Variants in RBBP8 observed in about 807,000 individuals in gnomAD.
RBBP8 encodes RB binding protein 8, endonuclease, also known as DNA endonuclease RBBP8.
A neutral mutation model predicts 108.3 loss-of-function variants in RBBP8; 88 were observed. That is an observed-to-expected ratio of 0.81 (90% confidence interval 0.68 to 0.97). RBBP8 has a LOEUF of 0.97. Ranked by LOEUF, RBBP8 falls within the 50% of genes least tolerant of loss-of-function variation. RBBP8 has a pLI of 0.00. For missense variants in RBBP8, 1,023 were observed against 1,049.0 expected (o/e 0.98, Z 0.34); for synonymous variants, 332 against 348.2 (o/e 0.95, Z 0.52).
intron 5 of RBBP8, among the ~76,000 whole-genome samples, chr18:22,971,432 T>C (rs1261802582): frequency 6.6e-6 from 1 of 152,178 alleles, no homozygotes; most frequent in African/African-American, 2.4e-5. Context: ...CTGCCCAGAA[T>C]AGCAGTTGAT....
intron 3 of RBBP8, among the ~76,000 whole-genome samples, chr18:22,923,317 G>A (rs1379671579): frequency 6.6e-6 from 1 of 152,186 alleles, no homozygotes; most frequent in Admixed American, 6.5e-5. Context: ...AGATGGTGCA[G>A]CTGATGCCTT....
Position 22,993,412 on chromosome 18 carries a change from C to T in RBBP8, c.1585C>T (p.Pro529Ser). The change falls in exon 11 of 19, where the codon CCA becomes TCA. Residue 529 changes from proline to serine, a missense_variant. Pro to Ser is a moderately conservative substitution (Grantham distance 74). Coordinates refer to ENST00000327155, the MANE Select transcript of RBBP8 (RefSeq NM_002894.3). ...VTLYEALKTI[P>S]KGFSSSRKAS... ...TCTTTATGAGGCTTTGAAGACCATT[C>T]CAAAGGGCTTTTCCTCAAGCCGTAA... The T allele has an allele frequency of 6.2e-7, 1 of 1,614,204 alleles. No homozygotes were observed. The highest frequency in any genetic ancestry group is 1.6e-4 in the Middle Eastern group (1 of 6,062).
intron 3 of RBBP8, among the ~76,000 whole-genome samples, chr18:22,947,104 G>A (rs1911627710): frequency 6.6e-6 from 1 of 151,992 alleles, no homozygotes; most frequent in Non-Finnish European, 1.5e-5. Flanking sequence ...CACTTACTAA[G>A]AAAATTCTCT....
intron 4 of RBBP8, among the ~76,000 whole-genome samples, chr18:22,959,414 G>GCT (rs1232007774): frequency 6.6e-6 from 1 of 152,044 alleles, no homozygotes; most frequent in Non-Finnish European, 1.5e-5. Flanking sequence ...CCTTCGTGAT[G>GCT]CTCTGTGTGT....
At position 23,026,391 on chromosome 18, in the gene RBBP8, T is replaced by A; in HGVS notation, c.*151T>A. The A allele has an allele frequency of 2.6e-6, 2 of 758,692 alleles. No homozygotes were observed. The highest frequency in any genetic ancestry group is 2.2e-6 in the Non-Finnish European group (1 of 455,908). 47.0% of individuals were successfully genotyped at this position (758,692 alleles called of 1,614,324 possible). On this transcript the variant is annotated 3_prime_UTR_variant, in exon 19 of 19. Transcript: ENST00000327155. ...TGAAAATGTTTGTGATATTTTGCTT[T>A]TGCACCTTTAAAACAATAAGGCGCT...
chr18:22,933,731 G>A (rs1470536294), intron 1 of RBBP8, 167 bp downstream of exon 1: 1 of 152,364 alleles, frequency 6.6e-6, no homozygotes, highest in African/African-American at 2.4e-5. Flanking sequence ...CGGTGGTGGT[G>A]GACCGGCGGG....
At chr18:22,981,389 A>G (rs974126527) in intron 6 of RBBP8, among the ~76,000 whole-genome samples, 1 of 152,180 alleles carries the variant, frequency 6.6e-6, no homozygotes, top group Non-Finnish European at 1.5e-5. Context: ...TATGGATAAC[A>G]CATTTGGTTA....
intron 16 of RBBP8, among the ~76,000 whole-genome samples, chr18:23,013,791 T>C (rs2046211248): frequency 6.6e-6 from 1 of 152,248 alleles, no homozygotes; most frequent in Admixed American, 6.5e-5. Context: ...ATCTTTGTTT[T>C]AAAGTTAAAC....
chr18:22,919,721 T>C (rs771815464), intron 3 of RBBP8, among the ~76,000 whole-genome samples: 5 of 152,056 alleles, frequency 3.3e-5, no homozygotes, highest in Non-Finnish European at 5.9e-5. Context: ...CTGGTGAATT[T>C]TTGCATTTTT....
intron 2 of RBBP8, among the ~76,000 whole-genome samples, chr18:22,945,012 A>G (rs1911431808): frequency 1.3e-5 from 2 of 152,232 alleles, no homozygotes; most frequent in Admixed American, 1.3e-4. Flanking sequence ...TTCTATACAC[A>G]TATATGAAAA....
At position 22,993,784 on chromosome 18, in the gene RBBP8, G is replaced by C. The variant is rs1346648656; in HGVS notation, c.1876G>C (p.Ala626Pro). ...GTCAGACCATGGAGGATGTGAACTTGCATCAGTTCTTCAGTTAAATCCATG... is the reference window on the plus strand; with the variant it reads ...GTCAGACCATGGAGGATGTGAACTTCCATCAGTTCTTCAGTTAAATCCATG... The part of the protein sequence containing the change: ...TRSDHGGCEL[A>P]SVLQLNPCRT... Residue 626 changes from alanine to proline, a missense_variant, in exon 12 of 19, where the codon GCA becomes CCA. By Grantham distance (27) the Ala-to-Pro change is conservative. Transcript: ENST00000327155. 6.2e-7 allele frequency: 1 copy of C among 1,613,772 alleles called. No individual in the cohort carries two copies. The highest frequency in any genetic ancestry group is 8.5e-7 in the Non-Finnish European group (1 of 1,179,808).
At chr18:23,014,223 T>C (rs1248090668) in intron 16 of RBBP8, among the ~76,000 whole-genome samples, 1 of 152,008 alleles carries the variant, frequency 6.6e-6, no homozygotes. Context: ...CCAGGCTGGA[T>C]GAATGTTGTT....
chr18:22,998,486 C>G (rs552256572), intron 14 of RBBP8, among the ~76,000 whole-genome samples: 1 of 152,312 alleles, frequency 6.6e-6, no homozygotes, highest in African/African-American at 2.4e-5. Flanking sequence ...AGCAACATTC[C>G]TAACTGTAGA....
intron 4 of RBBP8, among the ~76,000 whole-genome samples, chr18:22,952,787 C>G: frequency 6.6e-6 from 1 of 152,206 alleles, no homozygotes; most frequent in Non-Finnish European, 1.5e-5. Context: ...TTTCAGGGAA[C>G]ATATCTCTCT....
chr18:22,957,131 G>A (rs560913348), intron 4 of RBBP8, among the ~76,000 whole-genome samples: 8 of 152,140 alleles, frequency 5.3e-5, no homozygotes, highest in East Asian at 1.9e-4. Context: ...GCAAGTGTCC[G>A]CTTTTGTGTT....
chr18:23,020,186 C>T (rs957803460), intron 17 of RBBP8, among the ~76,000 whole-genome samples: 8 of 151,152 alleles, frequency 5.3e-5, no homozygotes, highest in African/African-American at 1.7e-4. Flanking sequence ...TTTGGGAGGC[C>T]GAGGCGGGTG....
chr18:22,937,023 C>G (rs765644954), intron 2 of RBBP8, 63 bp downstream of exon 2: 14 of 1,601,920 alleles, frequency 8.7e-6, no homozygotes, highest in Non-Finnish European at 1.2e-5. Context: ...CTTTGTATAC[C>G]TTTGTATGAC....
chr18:22,914,842 G>A (rs1909291518), intron 1 of RBBP8, among the ~76,000 whole-genome samples: 1 of 152,142 alleles, frequency 6.6e-6, no homozygotes. Context: ...AACTATTGGA[G>A]CTCAAAAGCA....
intron 2 of RBBP8, among the ~76,000 whole-genome samples, chr18:22,942,601 T>G (rs1224595330): frequency 6.6e-6 from 1 of 152,106 alleles, no homozygotes; most frequent in Admixed American, 6.5e-5. Flanking sequence ...GATATGTTCC[T>G]TTTGTGACAA....
Sources: gnomAD v4.1 joint callset for allele counts (sites outside exome capture counted in the v4.1 genomes callset) on GRCh38, gnomAD v4.1.1 for gene constraint, MANE v1.5 for transcripts, NCBI Gene and HGNC (gene_info 2026-07-23, HGNC 2026-07-21) for gene names.